Variants in KALRN observed in about 807,000 individuals in gnomAD.
The protein encoded by KALRN is kalirin RhoGEF kinase.
A neutral mutation model predicts 353.7 loss-of-function variants in KALRN; 70 were observed. The ratio of observed to expected loss-of-function variants is 0.20; its 90% CI spans 0.16 to 0.24. The LOEUF is 0.24. Ranked by LOEUF, KALRN falls within the 10% of genes least tolerant of loss-of-function variation. The probability of loss-of-function intolerance (pLI) is 1.00; values close to 1 mark genes in which losing one functional copy is unlikely to be tolerated. For missense variants in KALRN, 2,791 were observed against 3,756.7 expected, an observed-to-expected ratio of 0.74 and a Z score of 6.72; for synonymous variants, 1,391 against 1,434.8, an observed-to-expected ratio of 0.97 and a Z score of 0.69.
chr3:124,251,992 G>T (rs1170835201), intron 3 of KALRN, among the ~76,000 whole-genome samples: 1 of 152,044 alleles, frequency 6.6e-6, no homozygotes, highest in Non-Finnish European at 1.5e-5. Context: ...CTTTAAAAAG[G>T]TGGAAACTAT....
At chr3:124,461,467 T>C (rs1020381678) in intron 23 of KALRN, among the ~76,000 whole-genome samples, 1 of 152,196 alleles carries the variant, frequency 6.6e-6, no homozygotes, top group African/African-American at 2.4e-5. Context: ...CAAACTCTAC[T>C]GAACAGAAAT....
At chr3:124,473,002 C>T (rs768393084) in intron 25 of KALRN, among the ~76,000 whole-genome samples, 5 of 152,012 alleles carry the variant, frequency 3.3e-5, no homozygotes, top group Non-Finnish European at 5.9e-5. Flanking sequence ...GCTCATTTGT[C>T]GTAGAAAAAA....
Position 124,657,548 on chromosome 3 carries a change from A to T in KALRN, c.5963A>T (p.Lys1988Met). ...GNIHQIYDWH[K>M]DFFLAELEKC... ...ATTCATCAGATTTATGACTGGCATA[A>T]GGAGTAAGTGTTAATGCTGCCCCGA... Residue 1988 changes from lysine (K) to methionine (M), a missense_variant, in exon 40 of 60, where the codon AAG becomes ATG. Physicochemically the swap from Lys to Met is moderately conservative, Grantham distance 95 (BLOSUM62 -1). Around this residue, in one of 11 missense-constraint regions of KALRN, gnomAD observed 1,065 missense variants for 1,156.4 expected, o/e 0.92. Coordinates refer to ENST00000682506, the MANE Select transcript of KALRN (RefSeq NM_001388419.1). The T allele has an allele frequency of 6.2e-7, 1 of 1,611,322 alleles. No homozygotes were observed. Among genetic ancestry groups the T allele is most frequent in the Non-Finnish European group, 8.5e-7 (1 of 1,177,378 alleles).
chr3:124,146,659 C>T (rs917063815), intron 1 of KALRN, among the ~76,000 whole-genome samples: 2 of 152,048 alleles, frequency 1.3e-5, no homozygotes, highest in Non-Finnish European at 2.9e-5. Flanking sequence ...AGGCAGATCA[C>T]TTGAGGCCAG....
At chr3:124,170,058 G>A (rs1050302534) in intron 1 of KALRN, among the ~76,000 whole-genome samples, 7 of 152,178 alleles carry the variant, frequency 4.6e-5, no homozygotes, top group South Asian at 2.1e-4. Flanking sequence ...AGAAAATACC[G>A]TGGTAAAGCT....
chr3:124,365,510 T>C (rs1336409820), intron 10 of KALRN, among the ~76,000 whole-genome samples: 6 of 152,168 alleles, frequency 3.9e-5, no homozygotes, highest in South Asian at 2.1e-4. Context: ...ATTTTAACAG[T>C]GTACCTGAGG....
intron 13 of KALRN, among the ~76,000 whole-genome samples, chr3:124,404,844 C>T (rs1227302781): frequency 6.6e-6 from 1 of 152,060 alleles, no homozygotes; most frequent in African/African-American, 2.4e-5. Flanking sequence ...AGCTGTGGAT[C>T]ATCTAAGAGC....
chr3:124,443,623 C>T (rs1206867616), intron 19 of KALRN, among the ~76,000 whole-genome samples: 1 of 152,224 alleles, frequency 6.6e-6, no homozygotes, highest in African/African-American at 2.4e-5. Context: ...TAGATGGGAG[C>T]TTGGGTGAGG....
chr3:124,049,859 T>G (rs1468528623), intron 1 of KALRN, among the ~76,000 whole-genome samples: 1 of 152,244 alleles, frequency 6.6e-6, no homozygotes, highest in African/African-American at 2.4e-5. Context: ...CTGTAGCTTT[T>G]CAAATTTTCT....
At position 124,228,020 on chromosome 3, in the gene KALRN, C is replaced by G; in HGVS notation, c.104C>G (p.Ser35Cys). Residue 35 changes from serine (S) to cysteine (C), a missense_variant, in exon 2 of 60, where the codon TCT becomes TGT. Physicochemically the swap from Ser to Cys is moderately radical, Grantham distance 112. Around this residue, in one of 11 missense-constraint regions of KALRN, gnomAD observed 110 missense variants for 204.1 expected, o/e 0.54. Coordinates refer to ENST00000682506, the MANE Select transcript of KALRN (RefSeq NM_001388419.1). ...TTTCGGAATGATGGTTTGAAAGCTT[C>G]TGATGTCCTTCCTATCCTAAAGGAA... ...GSFRNDGLKA[S>C]DVLPILKEKV... The G allele has an allele frequency of 6.2e-7, 1 of 1,614,112 alleles. No homozygotes were observed. Among genetic ancestry groups the G allele is most frequent in the Non-Finnish European group, 8.5e-7 (1 of 1,180,000 alleles).
At chr3:124,198,542 G>GGGA (rs2075659996) in intron 1 of KALRN, among the ~76,000 whole-genome samples, 1 of 152,196 alleles carries the variant, frequency 6.6e-6, no homozygotes. Context: ...AGGATAAGCT[G>GGGA]GGAGCTGCCT....
chr3:124,524,076 A>G (rs750656404), intron 33 of KALRN, among the ~76,000 whole-genome samples: 4 of 152,184 alleles, frequency 2.6e-5, no homozygotes, highest in Non-Finnish European at 5.9e-5. Context: ...AAATAATCCT[A>G]TCCTCAAAGA....
At chr3:124,327,238 C>A (rs1327652134) in intron 7 of KALRN, among the ~76,000 whole-genome samples, 3 of 152,130 alleles carry the variant, frequency 2.0e-5, no homozygotes, top group Admixed American at 2.0e-4. Flanking sequence ...AAATAACACA[C>A]AAAAATCAAG....
At chr3:124,687,395 T>TACAC (rs1453516182) in intron 51 of KALRN, among the ~76,000 whole-genome samples, 5 of 152,182 alleles carry the variant, frequency 3.3e-5, no homozygotes, top group Non-Finnish European at 7.3e-5. Context: ...GACCAGTGCA[T>TACAC]ACACAGCAAC....
chr3:124,554,694 C>T lies in KALRN; in HGVS notation c.4936-8149C>T, dbSNP rs141552534. On this transcript the variant is annotated intron_variant, in intron 33 of 59. Coordinates refer to ENST00000682506, the MANE Select transcript of KALRN (RefSeq NM_001388419.1). Reference sequence around the variant, plus strand: ...TTTGGTCTCTGTTAGAGAGGTTTTTCTGAAAAGTCTGGTAATCTATAGCTG... The same window carrying T: ...TTTGGTCTCTGTTAGAGAGGTTTTTTTGAAAAGTCTGGTAATCTATAGCTG... Among the ~76,000 whole-genome samples the T allele has an allele frequency of 5.4e-3, 819 of 152,106 alleles. 1 individual carries two copies. Among genetic ancestry groups the T allele is most frequent in the Non-Finnish European group, 9.5e-3 (649 of 68,002 alleles).
chr3:124,492,680 C>A, intron 31 of KALRN, 60 bp from the exon 32 acceptor site: 2 of 1,562,438 alleles, frequency 1.3e-6, no homozygotes, highest in Non-Finnish European at 8.7e-7. Flanking sequence ...GGGTTGAGAA[C>A]TGTTTTTGGT....
chr3:124,058,422 G>T lies in KALRN; in HGVS notation c.73+24609G>T, dbSNP rs558899203. On this transcript the variant is annotated intron_variant, in intron 1 of 59. Transcript: ENST00000682506. ...ACTCATTTTGTTGGGTGGGCCAAAG[G>T]GTCTTTCTGGCCGCAAGCAGAACAG... Among the ~76,000 whole-genome samples, 28 of 152,124 alleles carry T rather than the reference G, an allele frequency of 1.8e-4. No individual in the cohort carries two copies. The East Asian group carries it at 3.7e-3, about 20-fold the overall frequency.
intron 34 of KALRN, 45 bp downstream of exon 34, chr3:124,563,134 G>C: frequency 7.4e-7 from 1 of 1,347,010 alleles, no homozygotes; most frequent in African/African-American, 1.5e-5. Context: ...AGGAGGCCAT[G>C]AGCGCTGGCC....
chr3:124,664,376 C>T (rs1421263231), intron 45 of KALRN, among the ~76,000 whole-genome samples: 4 of 145,942 alleles, frequency 2.7e-5, no homozygotes, highest in Admixed American at 6.8e-5. Context: ...TGTGTGCGCG[C>T]GCGCGCATAT....
Sources: gnomAD v4.1 joint callset for allele counts (sites outside exome capture counted in the v4.1 genomes callset) on GRCh38, gnomAD v4.1.1 for gene constraint, gnomAD v4.1.1 regional missense constraint, MANE v1.5 for transcripts, NCBI Gene and HGNC (gene_info 2026-07-23, HGNC 2026-07-21) for gene names.